The following DAGLB variants were observed in gnomAD, a reference collection of about 807,000 sequenced individuals.
DAGLB encodes diacylglycerol lipase beta, also known as diacylglycerol lipase-beta.
DAGLB carries 66 observed loss-of-function variants against 72.1 expected under a neutral mutation model. The observed-to-expected ratio is 0.92, with a 90% CI of 0.75 to 1.12. The LOEUF (loss-of-function observed/expected upper bound fraction) is 1.12. DAGLB is among the 50% of genes most tolerant of loss of function. The pLI, the probability that DAGLB is intolerant of heterozygous loss-of-function variation, is 0.00. For missense variants in DAGLB, 1,065 were observed against 884.9 expected (o/e 1.20, Z -2.58); for synonymous variants, 414 against 359.5 (o/e 1.15, Z -1.71).
chr7:6,442,820 AGGTG>A (rs1246609556), intron 2 of DAGLB, among the ~76,000 whole-genome samples: 2 of 152,102 alleles, frequency 1.3e-5, no homozygotes, highest in Non-Finnish European at 1.5e-5. Context: ...TGGGAGGATG[AGGTG>A]GGTGGATCAG....
At chr7:6,410,487 G>GAA in intron 13 of DAGLB, 107 bp from the exon 14 acceptor site, 1 of 1,473,364 alleles carries the variant, frequency 6.8e-7, no homozygotes, top group South Asian at 1.4e-5. Flanking sequence ...CTTTGACCCA[G>GAA]AAACCCCGCT....
Position 6,421,910 on chromosome 7 carries a change from G to C in DAGLB, c.1141-106C>G, listed in dbSNP as rs1421362246. The C allele has an allele frequency of 2.4e-6, 3 of 1,237,892 alleles. No homozygotes were observed. In the East Asian group the frequency reaches 7.6e-5, roughly 31 times the overall value. 76.7% of individuals were successfully genotyped at this position (1,237,892 alleles called of 1,614,324 possible). Reference sequence around the variant, plus strand: ...CACTTCTGTGGAGGATGGCGGGGATGGCACCATCTCCTAGTTCGGTCCTGG... The same window carrying C: ...CACTTCTGTGGAGGATGGCGGGGATCGCACCATCTCCTAGTTCGGTCCTGG... On this transcript the variant is annotated intron_variant, in intron 8 of 14. Transcript: ENST00000297056.
intron 2 of DAGLB, among the ~76,000 whole-genome samples, chr7:6,437,495 A>G (rs779427028): frequency 6.6e-6 from 1 of 151,490 alleles, no homozygotes; most frequent in Non-Finnish European, 1.5e-5. Flanking sequence ...GTGGTGGCAC[A>G]ATCATGACTC....
intron 6 of DAGLB, among the ~76,000 whole-genome samples, chr7:6,427,008 T>C (rs1266894799): frequency 1.3e-5 from 2 of 152,160 alleles, no homozygotes; most frequent in Non-Finnish European, 2.9e-5. Flanking sequence ...CTCGGGACGC[T>C]GAGGCAGGAG....
In DAGLB at chr7:6,424,848, G is replaced by A; in HGVS notation, c.1057-13C>T. On this transcript the variant is annotated splice_polypyrimidine_tract_variant and intron_variant, in intron 7 of 14. Coordinates refer to ENST00000297056, the MANE Select transcript of DAGLB (RefSeq NM_139179.4). The stretch of plus-strand genomic sequence containing the variant: ...GCAGCTCGTAAACCTGCAGGAGCAA[G>A]AAACAAGCATGGGGCCTAAACAGTG... 1 of 1,613,298 alleles carries A rather than the reference G, an allele frequency of 6.2e-7. No individual in the cohort carries two copies.
chr7:6,429,937 G>T (rs920654355), intron 6 of DAGLB, among the ~76,000 whole-genome samples: 1 of 151,740 alleles, frequency 6.6e-6, no homozygotes, highest in Non-Finnish European at 1.5e-5. Flanking sequence ...CCAGTTACTC[G>T]GGAGGCTGAG....
intron 9 of DAGLB, among the ~76,000 whole-genome samples, chr7:6,418,571 G>T (rs1199751491): frequency 1.3e-5 from 2 of 152,138 alleles, no homozygotes; most frequent in Non-Finnish European, 2.9e-5. Flanking sequence ...CCCCTGTCCC[G>T]TGCAGCTTCG....
intron 2 of DAGLB, among the ~76,000 whole-genome samples, chr7:6,436,789 G>T (rs995969676): frequency 8.6e-5 from 13 of 152,020 alleles, no homozygotes; most frequent in African/African-American, 3.1e-4. Context: ...GGTTCTCACT[G>T]GGGTGACAAT....
At chr7:6,437,800 C>T (rs116936775) in intron 2 of DAGLB, among the ~76,000 whole-genome samples, 1,566 of 152,234 alleles carry the variant, frequency 0.01, 10 homozygotes, top group Non-Finnish European at 0.018. Context: ...AGGCATTACA[C>T]CTGGCTAATT....
At chr7:6,436,806 A>G (rs1291240644) in intron 2 of DAGLB, among the ~76,000 whole-genome samples, 2 of 152,008 alleles carry the variant, frequency 1.3e-5, no homozygotes, top group African/African-American at 4.8e-5. Flanking sequence ...CAATATAATC[A>G]TGGCCCAAAC....
chr7:6,417,686 C>G (rs904577434), intron 9 of DAGLB: 3 of 151,824 alleles, frequency 2.0e-5, no homozygotes, highest in African/African-American at 7.3e-5. Flanking sequence ...TGAGACCAGC[C>G]TGGGCCACAT....
chr7:6,410,761 C>T (rs776272883), intron 13 of DAGLB, among the ~76,000 whole-genome samples: 80 of 152,232 alleles, frequency 5.3e-4, no homozygotes, highest in African/African-American at 1.8e-3. Flanking sequence ...TGGGCTGGAG[C>T]GCAATGGCGT....
intron 5 of DAGLB, among the ~76,000 whole-genome samples, chr7:6,432,624 C>T (rs1218434721): frequency 7.0e-6 from 1 of 142,962 alleles, no homozygotes; most frequent in Non-Finnish European, 1.5e-5. Flanking sequence ...TGTGCCACTG[C>T]ACTCCAGCCT....
At chr7:6,419,591 T>C (rs1457803081) in intron 9 of DAGLB, among the ~76,000 whole-genome samples, 1 of 152,242 alleles carries the variant, frequency 6.6e-6, no homozygotes, top group African/African-American at 2.4e-5. Context: ...GGACAGGCCC[T>C]GAGCGGCAGC....
At chr7:6,413,141 G>A in intron 11 of DAGLB, 107 bp from the exon 12 acceptor site, 20 of 1,186,966 alleles carry the variant, frequency 1.7e-5, no homozygotes, top group Non-Finnish European at 2.3e-5. Flanking sequence ...CCAGGCCTCA[G>A]CTCTGTTCTC....
Position 6,446,209 on chromosome 7 carries a change from C to G in DAGLB, c.96-105G>C, listed in dbSNP as rs1239578971. 7.4e-6 allele frequency: 9 copies of G among 1,208,838 alleles called. No individual in the cohort carries two copies. The East Asian group carries it at 1.9e-4, about 25-fold the overall frequency. The allele number at this position is 1,208,838 out of a possible 1,614,324, so 74.9% of individuals were successfully genotyped here. A position where few individuals can be genotyped will look rare whatever the true frequency, so the allele number is the denominator to read the frequency against. On this transcript the variant is annotated intron_variant, in intron 1 of 14. Coordinates refer to ENST00000297056, the MANE Select transcript of DAGLB (RefSeq NM_139179.4). The stretch of plus-strand genomic sequence containing the variant: ...GGGGACAGGGCGCGGTGGCTCACAC[C>G]TGTAATCACAGCACTTTGGGAGGGT...
chr7:6,409,176 A>AC lies in DAGLB; in HGVS notation c.*660dup, dbSNP rs1162086683. 2 of 153,738 alleles carry AC rather than the reference A, an allele frequency of 1.3e-5. No homozygotes were observed. Among genetic ancestry groups the AC allele is most frequent in the African/African-American group, 2.4e-5 (1 of 41,410 alleles). The allele number at this position is 153,738 out of a possible 1,614,324, so 9.5% of individuals were successfully genotyped here. The stretch of plus-strand genomic sequence containing the variant: ...TTTCAACTCCTGAATCCACTGGCCG[A>AC]CCCCAGAGCCAGAAGAGTAGCAAGA... On this transcript the variant is annotated 3_prime_UTR_variant, in exon 15 of 15. Coordinates refer to ENST00000297056, the MANE Select transcript of DAGLB (RefSeq NM_139179.4).
At position 6,434,931 on chromosome 7, in the gene DAGLB, G is replaced by A. The variant is rs758440866; in HGVS notation, c.509C>T (p.Pro170Leu). The A allele has an allele frequency of 1.2e-6, 2 of 1,614,140 alleles. No homozygotes were observed. Among genetic ancestry groups the A allele is most frequent in the South Asian group, 2.2e-5 (2 of 91,086 alleles). Residue 170 changes from proline (P) to leucine (L), a missense_variant, in exon 4 of 15, where the codon CCC (proline) becomes CTC (leucine). Pro to Leu is a moderately conservative substitution (Grantham distance 98). Transcript: ENST00000297056. ...GKMAPYSSAG[P>L]SHLDSHDSSQ... ...TGAATCATGACTATCCAGGTGGCTG[G>A]GGCCGGCAGAGGAATATGGAGCCAT...
chr7:6,422,036 G>A, intron 8 of DAGLB: 1 of 646,516 alleles, frequency 1.5e-6, no homozygotes, highest in Non-Finnish European at 2.9e-6. Context: ...AGGGGACCAT[G>A]GAGTGTGCCT....
Sources: allele counts gnomAD v4.1 joint callset (sites outside exome capture counted in the v4.1 genomes callset), GRCh38; gene constraint gnomAD v4.1.1; transcripts MANE v1.5; gene names NCBI Gene and HGNC (gene_info 2026-07-23, HGNC 2026-07-21).